RNF216: variants seen among roughly 807,000 people sequenced by gnomAD.
RNF216 encodes ring finger protein 216, also known as E3 ubiquitin-protein ligase RNF216.
A neutral mutation model predicts 110.8 loss-of-function variants in RNF216; 72 were observed. The observed-to-expected ratio is 0.65, with a 90% CI of 0.54 to 0.79. The LOEUF (loss-of-function observed/expected upper bound fraction) is 0.79. RNF216 is among the 30% of genes least tolerant of loss of function. The pLI is 0.00. For synonymous variants in RNF216, 495 were observed against 407.5 expected, an observed-to-expected ratio of 1.21 and a Z score of -2.59; for missense variants, 1,342 against 1,141.2, an observed-to-expected ratio of 1.18 and a Z score of -2.54.
At chr7:5,679,211 C>CG (rs200837140) in intron 13 of RNF216, among the ~76,000 whole-genome samples, 24 of 147,620 alleles carry the variant, frequency 1.6e-4, no homozygotes, top group Admixed American at 6.7e-4. Flanking sequence ...GGTGCGGTGG[C>CG]GGGGGGGCGG....
At chr7:5,674,805 G>C (rs1790166598) in intron 13 of RNF216, among the ~76,000 whole-genome samples, 1 of 151,982 alleles carries the variant, frequency 6.6e-6, no homozygotes, top group Non-Finnish European at 1.5e-5. Flanking sequence ...AGACCAGCCT[G>C]ACCAACATGG....
chr7:5,635,986 T>G (rs1400788505), intron 15 of RNF216, among the ~76,000 whole-genome samples: 1 of 152,214 alleles, frequency 6.6e-6, no homozygotes, highest in East Asian at 1.9e-4. Context: ...CTCTGTAGTT[T>G]CTCGTAGCCA....
intron 13 of RNF216, among the ~76,000 whole-genome samples, chr7:5,690,112 T>G (rs991367222): frequency 2.0e-5 from 3 of 152,032 alleles, no homozygotes; most frequent in Non-Finnish European, 4.4e-5. Flanking sequence ...GCGGATCACC[T>G]GAGGTCAGGA....
rs1181928002 is a variant in RNF216, at chr7:5,622,949, G to A, written c.2683C>T (p.Arg895Trp). 5.6e-6 allele frequency: 9 copies of A among 1,613,998 alleles called. No individual in the cohort carries two copies. Among genetic ancestry groups the A allele is most frequent in the Middle Eastern group, 1.6e-4 (1 of 6,062 alleles). Residue 895 changes from arginine (R) to tryptophan (W), a missense_variant, in exon 17 of 17, where the codon CGG (arginine) becomes TGG (tryptophan). By Grantham distance (101) the Arg-to-Trp change is moderately radical (BLOSUM62 -3). Coordinates refer to ENST00000389902, the MANE Select transcript of RNF216 (RefSeq NM_207111.4). ...ATGGGACCGAAGTCATAGTTGACCC[G>A]CACGTTGGGCAGAGGGGGCACGTAC... ...APYVPPLPNVRVNYDFGPIHM... is the reference protein window; with the variant it reads ...APYVPPLPNVWVNYDFGPIHM...
At chr7:5,639,949 C>T (rs962173385) in intron 15 of RNF216, among the ~76,000 whole-genome samples, 11 of 151,242 alleles carry the variant, frequency 7.3e-5, no homozygotes, top group African/African-American at 2.2e-4. Context: ...TTAGTAGAGA[C>T]GGGGTTTCGC....
rs746460940 is a variant in RNF216 at position 5,741,467 on chromosome 7, C to T, written c.550G>A (p.Gly184Ser). The T allele has an allele frequency of 6.2e-7, 1 of 1,614,146 alleles. No individual in the cohort carries two copies. The highest frequency in any genetic ancestry group is 8.5e-7 in the Non-Finnish European group (1 of 1,180,036). ...TCGCTTTCTGTGTAAAGAAGGCTAC[C>T]TTCTTCCAAGATGATGACTTTCTGC... ...SEQKVIILEE[G>S]SLLYTESDPL... The change falls in exon 4 of 17, where the codon GGT becomes AGT. Residue 184 changes from glycine (G) to serine (S), a missense_variant. By Grantham distance (56) the Gly-to-Ser change is moderately conservative. Coordinates refer to ENST00000389902, the MANE Select transcript of RNF216 (RefSeq NM_207111.4).
intron 13 of RNF216, among the ~76,000 whole-genome samples, chr7:5,672,750 T>G (rs774960569): frequency 1.8e-4 from 27 of 152,100 alleles, no homozygotes; most frequent in Non-Finnish European, 3.1e-4. Context: ...GTGGTCTTCC[T>G]GGTGAGCAGC....
chr7:5,672,091 A>T lies in RNF216; in HGVS notation c.2062-19581T>A, dbSNP rs556121108. ...AGGAGTAGATGGCAGTGGATCAGAG[A>T]AGTTCCCGCCCCTTTGTGCACACGC... On this transcript the variant is annotated intron_variant, in intron 13 of 16. Transcript: ENST00000389902. 1.2e-4 allele frequency among the ~76,000 whole-genome samples: 18 copies of T among 152,320 alleles called. 1 individual carries two copies. In the East Asian group the frequency reaches 3.5e-3, roughly 29 times the overall value.
chr7:5,664,946 G>A (rs1424129443), intron 13 of RNF216, among the ~76,000 whole-genome samples: 4 of 152,122 alleles, frequency 2.6e-5, no homozygotes, highest in Admixed American at 6.5e-5. Flanking sequence ...ACAGGCGCCC[G>A]CCACCAGGCC....
In RNF216 at chr7:5,781,542, C is replaced by T. The variant is rs1378977782; in HGVS notation, c.-71G>A. ...GCGCGCCCCGCAGCCGACACTCACT[C>T]GTCACTCAAGTCGCCGGCTAGCCAG... On this transcript the variant is annotated splice_region_variant and 5_prime_UTR_variant, in exon 1 of 17. Coordinates refer to ENST00000389902, the MANE Select transcript of RNF216 (RefSeq NM_207111.4). 1 of 152,298 alleles carries T rather than the reference C, an allele frequency of 6.6e-6. No individual in the cohort carries two copies. Among genetic ancestry groups the T allele is most frequent in the Non-Finnish European group, 1.5e-5 (1 of 68,136 alleles). 9.4% of individuals were successfully genotyped at this position (152,298 alleles called of 1,614,324 possible).
intron 14 of RNF216, among the ~76,000 whole-genome samples, chr7:5,642,249 G>A (rs1316882918): frequency 6.7e-6 from 1 of 148,772 alleles, no homozygotes; most frequent in Non-Finnish European, 1.5e-5. Context: ...GTCTTGCTCT[G>A]TCACCTAGCC....
chr7:5,765,964 A>AAG (rs1554265672), intron 1 of RNF216, among the ~76,000 whole-genome samples: 68 of 148,712 alleles, frequency 4.6e-4, no homozygotes, highest in African/African-American at 1.4e-3. Context: ...AAAAAAAAAA[A>AAG]AAAGAAAGAA....
At chr7:5,768,157 T>TA (rs925407827) in intron 1 of RNF216, among the ~76,000 whole-genome samples, 31 of 149,060 alleles carry the variant, frequency 2.1e-4, no homozygotes, top group Non-Finnish European at 3.0e-4. Context: ...AGACTTTGAT[T>TA]AAAAAAAAAA....
rs545770577 is a variant in RNF216, at chr7:5,745,551, C to A, written c.202-3736G>T. ...ACGTTTTCAAGAAATTAAGAGTCAA[C>A]TGAAAAATCACTACAGATAATAATG... On this transcript the variant is annotated intron_variant, in intron 3 of 16. Transcript: ENST00000389902. Among the ~76,000 whole-genome samples, 5 of 152,206 alleles carry A rather than the reference C, an allele frequency of 3.3e-5. No individual in the cohort carries two copies. In the East Asian group the frequency reaches 9.6e-4, roughly 29 times the overall value.
intron 12 of RNF216, 51 bp from the exon 13 acceptor site, chr7:5,711,890 C>A (rs1395577514): frequency 6.6e-7 from 1 of 1,515,994 alleles, no homozygotes; most frequent in Non-Finnish European, 9.1e-7. Context: ...AAAGCCTGAT[C>A]TGGTTCCAGC....
chr7:5,772,914 G>A lies in RNF216; in HGVS notation c.-70+8627C>T, dbSNP rs773250624. ...CTGCCTCACCCTCCCGAGTAGCTGGGATTACAGGCATGCGCCACCATGTCT... is the reference window on the plus strand; with the variant it reads ...CTGCCTCACCCTCCCGAGTAGCTGGAATTACAGGCATGCGCCACCATGTCT... On this transcript the variant is annotated intron_variant, in intron 1 of 16. Coordinates refer to ENST00000389902, the MANE Select transcript of RNF216 (RefSeq NM_207111.4). Among the ~76,000 whole-genome samples the A allele has an allele frequency of 2.0e-5, 3 of 152,104 alleles. No individual in the cohort carries two copies. The East Asian group carries it at 5.8e-4, about 29-fold the overall frequency.
rs769710724 is a variant in RNF216, at chr7:5,652,523, GACAGAC to G, written c.2062-19_2062-14del. ...TCCTACAGGTTTCCTGGGGATAAAG[GACAGAC>G]ACAAAGACAACTCCTGGTGAGTGGA... On this transcript the variant is annotated splice_polypyrimidine_tract_variant and intron_variant, in intron 13 of 16. Transcript: ENST00000389902. 1 of 1,585,322 alleles carries G rather than the reference GACAGAC, an allele frequency of 6.3e-7. No homozygotes were observed. The highest frequency in any genetic ancestry group is 8.7e-7 in the Non-Finnish European group (1 of 1,153,854).
intron 13 of RNF216, among the ~76,000 whole-genome samples, chr7:5,700,132 G>A (rs118028406): frequency 3.6e-3 from 548 of 152,220 alleles, no homozygotes; most frequent in Non-Finnish European, 5.6e-3. Context: ...TCATGCTTGC[G>A]GTATTACCAT....
chr7:5,779,881 G>A (rs1286925241), intron 1 of RNF216: 1 of 150,614 alleles, frequency 6.6e-6, no homozygotes, highest in African/African-American at 2.4e-5. Context: ...GGGGCAGAGA[G>A]GAGCTGACGG....
Sources: allele counts gnomAD v4.1 joint callset (sites outside exome capture counted in the v4.1 genomes callset), GRCh38; gene constraint gnomAD v4.1.1; transcripts MANE v1.5; gene names NCBI Gene and HGNC (gene_info 2026-07-23, HGNC 2026-07-21).